C10orf90: variants seen among roughly 807,000 people sequenced by gnomAD.
C10orf90 encodes (E2-independent) E3 ubiquitin-conjugating enzyme FATS.
In C10orf90, 56 loss-of-function variants were observed where a neutral mutation model predicts 62.5. That is an observed-to-expected ratio of 0.90 (90% confidence interval 0.72 to 1.12). The LOEUF is 1.12. Among genes scored for constraint, C10orf90 ranks in the 50% most tolerant of loss-of-function variants. C10orf90 has a pLI of 0.00. For synonymous variants in C10orf90, 386 were observed against 340.4 expected (o/e 1.13, Z -1.47); for missense variants, 970 against 880.4 (o/e 1.10, Z -1.29).
rs1859975884 is a variant in C10orf90 at position 126,461,508 on chromosome 10, A to T, written c.1903T>A (p.Ser635Thr). 7 of 1,613,900 alleles carry T rather than the reference A, an allele frequency of 4.3e-6. No individual in the cohort carries two copies. Among genetic ancestry groups the T allele is most frequent in the Non-Finnish European group, 5.9e-6 (7 of 1,179,962 alleles). ...GGTGCTGGCGAGGGTGCTGCTGGGG[A>T]GGGCTCAGGTGTGGTGGGGTCCTCA... ...KSEDPTTPEP[S>T]PAAPSPAPRD... The change falls in exon 6 of 10, where the codon TCC becomes ACC. Residue 635 changes from serine to threonine, a missense_variant. Physicochemically the swap from Ser to Thr is moderately conservative, Grantham distance 58 (BLOSUM62 1). Coordinates refer to ENST00000488181, the MANE Select transcript of C10orf90 (RefSeq NM_001350921.2).
chr10:126,641,216 C>T (rs1846052208), intron 2 of C10orf90, among the ~76,000 whole-genome samples: 1 of 152,136 alleles, frequency 6.6e-6, no homozygotes, highest in African/African-American at 2.4e-5. Context: ...TAGAACAACC[C>T]TTCCTTGAAT....
intron 2 of C10orf90, among the ~76,000 whole-genome samples, chr10:126,563,249 G>A (rs571754550): frequency 1.3e-5 from 2 of 152,252 alleles, no homozygotes; most frequent in Admixed American, 6.5e-5. Context: ...GGGGCCACTC[G>A]TCCACCGCAC....
chr10:126,504,522 A>G lies in C10orf90; in HGVS notation c.969T>C (p.His323=). The part of the protein sequence containing the change: ...LCERRKYWVT[H]ADDKETSFSP... ...AAAAACTGGTCTCTTTGTCGTCTGC[A>G]TGGGTGACCCAGTACTTGCGTCTCT... is the stretch of plus-strand genomic sequence containing the variant. The change falls in exon 4 of 10, where the codon CAT becomes CAC. Residue 323 remains histidine, a synonymous_variant. Coordinates refer to ENST00000488181, the MANE Select transcript of C10orf90 (RefSeq NM_001350921.2). The surrounding 1 kb of genome is among the most constrained non-coding windows in gnomAD (Gnocchi z 4.1). 1.2e-6 allele frequency: 2 copies of G among 1,614,222 alleles called. No individual in the cohort carries two copies. Among genetic ancestry groups the G allele is most frequent in the Non-Finnish European group, 1.7e-6 (2 of 1,180,028 alleles).
chr10:126,465,088 G>C (rs571005774), intron 4 of C10orf90, 102 bp from the exon 5 acceptor site: 6 of 1,259,698 alleles, frequency 4.8e-6, no homozygotes, highest in Admixed American at 2.1e-5. Flanking sequence ...GACTTGGGGG[G>C]GAGTACAGCA....
At chr10:126,462,950 C>T (rs1227841969) in intron 5 of C10orf90, among the ~76,000 whole-genome samples, 1 of 152,194 alleles carries the variant, frequency 6.6e-6, no homozygotes, top group Non-Finnish European at 1.5e-5. Flanking sequence ...GGTTTCCAGT[C>T]ATGCTCTTTC....
intron 6 of C10orf90, among the ~76,000 whole-genome samples, chr10:126,459,548 C>T (rs867048683): frequency 2.0e-5 from 3 of 152,174 alleles, no homozygotes; most frequent in African/African-American, 2.4e-5. Flanking sequence ...TCCCAAAAGA[C>T]GATCCAAAAG....
chr10:126,659,775 G>A (rs1196166253), intron 1 of C10orf90, among the ~76,000 whole-genome samples: 1 of 152,238 alleles, frequency 6.6e-6, no homozygotes, highest in African/African-American at 2.4e-5. Flanking sequence ...TGAAAAATGA[G>A]TGAATCTGTA....
At chr10:126,637,077 A>G (rs1188106894) in intron 2 of C10orf90, among the ~76,000 whole-genome samples, 1 of 152,170 alleles carries the variant, frequency 6.6e-6, no homozygotes, top group Non-Finnish European at 1.5e-5. Flanking sequence ...AAAGGAGCCG[A>G]AAGTCACACC....
intron 2 of C10orf90, among the ~76,000 whole-genome samples, chr10:126,576,105 A>G (rs1409070850): frequency 6.6e-6 from 1 of 152,158 alleles, no homozygotes; most frequent in Non-Finnish European, 1.5e-5. Context: ...GCTTCTGCAC[A>G]GCAAAGGAAA....
At chr10:126,431,464 C>T (rs573396167) in intron 7 of C10orf90, among the ~76,000 whole-genome samples, 2 of 152,300 alleles carry the variant, frequency 1.3e-5, no homozygotes, top group Admixed American at 6.5e-5. Context: ...CAGGCAGCAC[C>T]AGGTCAGAGC....
chr10:126,535,255 C>T (rs886841424), intron 2 of C10orf90, among the ~76,000 whole-genome samples: 5 of 151,518 alleles, frequency 3.3e-5, no homozygotes, highest in South Asian at 2.1e-4. Context: ...TGGTGGGTCA[C>T]GCCTGTAATC....
intron 2 of C10orf90, among the ~76,000 whole-genome samples, chr10:126,561,804 C>T (rs1171140116): frequency 6.6e-6 from 1 of 152,230 alleles, no homozygotes; most frequent in South Asian, 2.1e-4. Flanking sequence ...TTCCCCGGGC[C>T]CCGGGTGGCC....
At chr10:126,600,262 T>C (rs560214979) in intron 2 of C10orf90, among the ~76,000 whole-genome samples, 9 of 152,306 alleles carry the variant, frequency 5.9e-5, no homozygotes, top group African/African-American at 1.9e-4. Context: ...CTCACCGGCG[T>C]TGGCATGCGG....
intron 1 of C10orf90, among the ~76,000 whole-genome samples, chr10:126,658,160 G>A (rs942683131): frequency 6.6e-6 from 1 of 152,158 alleles, no homozygotes; most frequent in Non-Finnish European, 1.5e-5. Flanking sequence ...ATGAGGTCCC[G>A]CTTCCCATTG....
At chr10:126,515,984 C>T (rs1042873068) in intron 2 of C10orf90, among the ~76,000 whole-genome samples, 21 of 152,126 alleles carry the variant, frequency 1.4e-4, no homozygotes, top group African/African-American at 3.9e-4. Context: ...TGGATTCCTG[C>T]GCAGAGATGA....
chr10:126,583,237 T>G (rs1042554806), intron 2 of C10orf90, among the ~76,000 whole-genome samples: 2 of 152,262 alleles, frequency 1.3e-5, no homozygotes, highest in African/African-American at 4.8e-5. Flanking sequence ...GGTGTGTATG[T>G]GCACATATGT....
intron 2 of C10orf90, among the ~76,000 whole-genome samples, chr10:126,646,047 A>C (rs763518088): frequency 1.2e-4 from 19 of 152,226 alleles, no homozygotes; most frequent in Non-Finnish European, 2.6e-4. Context: ...TTTTGCTCAC[A>C]AAGAGTGGGG....
chr10:126,461,441 GA>G lies in C10orf90; in HGVS notation c.1969del (p.Ser657LeufsTer11), dbSNP rs760613659. 1.2e-6 allele frequency: 2 copies of G among 1,614,172 alleles called. No individual in the cohort carries two copies. Among genetic ancestry groups the G allele is most frequent in the East Asian group, 2.2e-5 (1 of 44,882 alleles). On this transcript the variant is annotated frameshift_variant, in exon 6 of 10. Transcript: ENST00000488181. LOFTEE classifies it high-confidence loss of function. ...AGSPGLSEDCSESQQTPARSL... is the reference protein window; with the variant it reads ...AGSPGLSEDCXESQQTPARSL... ...TCTTGCAGGCGTTTGCTGAGACTCAGAACAGTCTTCGGACAGGCCAGGGCTC... is the reference window on the plus strand; with the variant it reads ...TCTTGCAGGCGTTTGCTGAGACTCAGACAGTCTTCGGACAGGCCAGGGCTC...
chr10:126,581,844 G>A (rs925647213), intron 2 of C10orf90, among the ~76,000 whole-genome samples: 30 of 152,298 alleles, frequency 2.0e-4, no homozygotes, highest in African/African-American at 6.7e-4. Context: ...TCAGACAGGC[G>A]CCTGTGGACT....
Sources: gnomAD v4.1 joint callset for allele counts (sites outside exome capture counted in the v4.1 genomes callset) on GRCh38, gnomAD v4.1.1 for gene constraint, Gnocchi (gnomAD v3.1) non-coding constraint, MANE v1.5 for transcripts, NCBI Gene and HGNC (gene_info 2026-07-23, HGNC 2026-07-21) for gene names.